Variants in CRYBB3 observed in about 807,000 individuals in gnomAD.
CRYBB3 encodes the protein beta-crystallin B3.
In CRYBB3, 35 loss-of-function variants were observed where a neutral mutation model predicts 28.3. The observed-to-expected ratio is 1.24, with a 90% CI of 0.95 to 1.64. The LOEUF (loss-of-function observed/expected upper bound fraction) is 1.64, where lower values mean the gene tolerates loss of function less well. CRYBB3 is among the 40% of genes most tolerant of loss of function. CRYBB3 has a pLI of 0.00. For missense variants in CRYBB3, 296 were observed against 297.4 expected (o/e 1.00, Z 0.04); for synonymous variants, 106 against 110.4 (o/e 0.96, Z 0.25).
chr22:25,200,265 C>A (rs1201580469), intron 1 of CRYBB3, among the ~76,000 whole-genome samples: 1 of 152,074 alleles, frequency 6.6e-6, no homozygotes, highest in Non-Finnish European at 1.5e-5. Context: ...AGAGACAGAA[C>A]CGACAGCCCG....
intron 5 of CRYBB3, 86 bp downstream of exon 5, chr22:25,205,448 A>G (rs751313738): frequency 7.1e-7 from 1 of 1,407,310 alleles, no homozygotes; most frequent in African/African-American, 1.5e-5. Context: ...ATAGTTTCTT[A>G]TTATTTTATT....
chr22:25,201,584 G>A, intron 2 of CRYBB3, 113 bp downstream of exon 2: 4 of 1,504,164 alleles, frequency 2.7e-6, no homozygotes, highest in Non-Finnish European at 3.6e-6. Flanking sequence ...CAACCACCCA[G>A]GCCAGGACAA....
intron 1 of CRYBB3, among the ~76,000 whole-genome samples, chr22:25,200,185 A>G (rs1452207262): frequency 2.0e-5 from 3 of 152,044 alleles, no homozygotes; most frequent in South Asian, 2.1e-4. Context: ...GTGGGCACAC[A>G]TGGTACCTGC....
chr22:25,202,189 G>C (rs1055179737), intron 2 of CRYBB3, among the ~76,000 whole-genome samples: 5 of 152,156 alleles, frequency 3.3e-5, no homozygotes, highest in African/African-American at 1.2e-4. Context: ...TTCCAGGTGG[G>C]TGAGAGAGGC....
chr22:25,205,762 G>A (rs1039523559), intron 5 of CRYBB3, among the ~76,000 whole-genome samples: 7 of 152,002 alleles, frequency 4.6e-5, no homozygotes, highest in Admixed American at 2.0e-4. Context: ...CCCGGCCATC[G>A]GTGCCTATAG....
At chr22:25,200,397 C>T (rs1212623017) in intron 1 of CRYBB3, among the ~76,000 whole-genome samples, 2 of 139,400 alleles carry the variant, frequency 1.4e-5, no homozygotes, top group Non-Finnish European at 3.2e-5. Context: ...GATGTAGGTG[C>T]CTTGTTTACC....
intron 5 of CRYBB3, among the ~76,000 whole-genome samples, chr22:25,206,619 T>C (rs981196103): frequency 6.6e-6 from 1 of 152,142 alleles, no homozygotes; most frequent in Admixed American, 6.5e-5. Context: ...TGATCAGGAT[T>C]GGGACTGGGA....
At chr22:25,201,201 C>G (rs1235470540) in intron 1 of CRYBB3, among the ~76,000 whole-genome samples, 176 bp from the exon 2 acceptor site, 1 of 152,158 alleles carries the variant, frequency 6.6e-6, no homozygotes, top group Non-Finnish European at 1.5e-5. Context: ...CTGTCTCAGT[C>G]CACGTGGCCC....
Position 25,207,131 on chromosome 22 carries a change from C to A in CRYBB3, c.555C>A (p.Asp185Glu), listed in dbSNP as rs140985147. ...RGEYRHWNEW[D>E]ASQPQLQSVR... is the part of the protein sequence containing the mutation. Reference sequence around the variant, plus strand: ...AGTACCGCCACTGGAATGAGTGGGACGCCAGCCAGCCGCAGCTGCAGTCTG... The same window carrying A: ...AGTACCGCCACTGGAATGAGTGGGAAGCCAGCCAGCCGCAGCTGCAGTCTG... The change falls in exon 6 of 6, where the codon GAC becomes GAA. Residue 185 changes from aspartate (D) to glutamate (E), a missense_variant. Coordinates refer to ENST00000215855, the MANE Select transcript of CRYBB3 (RefSeq NM_004076.5). 4 of 1,613,418 alleles carry A rather than the reference C, an allele frequency of 2.5e-6. No homozygotes were observed. The highest frequency in any genetic ancestry group is 2.5e-6 in the Non-Finnish European group (3 of 1,179,870).
At chr22:25,205,387 G>A (rs1935016086) in intron 5 of CRYBB3, 25 bp downstream of exon 5, 2 of 1,613,462 alleles carry the variant, frequency 1.2e-6, no homozygotes, top group Non-Finnish European at 1.7e-6. Context: ...CCTCACCCTT[G>A]CCCCATCTTC....
chr22:25,202,364 C>A (rs915322141), intron 2 of CRYBB3, among the ~76,000 whole-genome samples: 4 of 152,190 alleles, frequency 2.6e-5, no homozygotes, highest in Non-Finnish European at 4.4e-5. Flanking sequence ...ACTGGGACCT[C>A]ATTCCCTCAT....
intron 1 of CRYBB3, among the ~76,000 whole-genome samples, chr22:25,200,274 C>T (rs942893027): frequency 2.0e-5 from 3 of 151,998 alleles, no homozygotes; most frequent in East Asian, 3.9e-4. Flanking sequence ...ACCGACAGCC[C>T]GCAGGCTGTG....
chr22:25,201,765 C>T (rs1569007530), intron 2 of CRYBB3, among the ~76,000 whole-genome samples: 1 of 152,124 alleles, frequency 6.6e-6, no homozygotes, highest in Non-Finnish European at 1.5e-5. Context: ...TCTGACTCTC[C>T]TGTCTGACCT....
At chr22:25,200,528 T>C (rs148720344) in intron 1 of CRYBB3, among the ~76,000 whole-genome samples, 1 of 152,212 alleles carries the variant, frequency 6.6e-6, no homozygotes, top group African/African-American at 2.4e-5. Context: ...TAGAAACTTT[T>C]GCGAGTGTGT....
In CRYBB3 at chr22:25,204,666, C is replaced by T. The variant is rs541160435; in HGVS notation, c.328-554C>T. Among the ~76,000 whole-genome samples the T allele has an allele frequency of 2.0e-5, 3 of 152,358 alleles. No homozygotes were observed. In the East Asian group the frequency reaches 5.8e-4, roughly 29 times the overall value. Reference sequence around the variant, plus strand: ...CTTCTGGCCTCAAGTGATCTGCCTGCCTCGGCCTCCCAAAGTACTGGGATT... The same window carrying T: ...CTTCTGGCCTCAAGTGATCTGCCTGTCTCGGCCTCCCAAAGTACTGGGATT... On this transcript the variant is annotated intron_variant, in intron 4 of 5. Transcript: ENST00000215855.
At chr22:25,201,148 G>A (rs575412917) in intron 1 of CRYBB3, among the ~76,000 whole-genome samples, 1 of 152,228 alleles carries the variant, frequency 6.6e-6, no homozygotes, top group Non-Finnish European at 1.5e-5. Context: ...TCACTTTGCT[G>A]AGCCTCAGAG....
At chr22:25,206,915 G>C in intron 5 of CRYBB3, 132 bp from the exon 6 acceptor site, 1 of 776,572 alleles carries the variant, frequency 1.3e-6, no homozygotes, top group South Asian at 1.4e-5. Flanking sequence ...AGGGTAAAGA[G>C]TTTGGATTCA....
At position 25,201,389 on chromosome 22, in the gene CRYBB3, C is replaced by T; in HGVS notation, c.-8C>T. 6.2e-7 allele frequency: 1 copy of T among 1,613,250 alleles called. No homozygotes were observed. The highest frequency in any genetic ancestry group is 8.5e-7 in the Non-Finnish European group (1 of 1,179,488). Reference sequence around the variant, plus strand: ...TTTTGGTTTGAAGCCAGAGGTGTTCCTGGGGAGATGGCGGAACAGCACGGA... The same window carrying T: ...TTTTGGTTTGAAGCCAGAGGTGTTCTTGGGGAGATGGCGGAACAGCACGGA... On this transcript the variant is annotated 5_prime_UTR_variant, in exon 2 of 6. Transcript: ENST00000215855.
chr22:25,204,735 C>A (rs1197681164), intron 4 of CRYBB3, among the ~76,000 whole-genome samples: 1 of 152,174 alleles, frequency 6.6e-6, no homozygotes. Context: ...ACACTTTAAA[C>A]ACCACCCTTC....
Sources: gnomAD v4.1 joint callset for allele counts (sites outside exome capture counted in the v4.1 genomes callset) on GRCh38, gnomAD v4.1.1 for gene constraint, MANE v1.5 for transcripts, NCBI Gene and HGNC (gene_info 2026-07-23, HGNC 2026-07-21) for gene names.